The following MAGI3 variants were observed in gnomAD, a reference collection of about 807,000 sequenced individuals.
MAGI3 encodes membrane associated guanylate kinase, WW and PDZ domain containing 3.
A neutral mutation model predicts 121.8 loss-of-function variants in MAGI3; 43 were observed. The observed-to-expected ratio is 0.35, with a 90% CI of 0.28 to 0.46. The LOEUF is 0.46. Ranked by LOEUF, MAGI3 falls within the 20% of genes least tolerant of loss-of-function variation. MAGI3 has a pLI of 1.00. For missense variants in MAGI3, 1,547 were observed against 1,797.3 expected (o/e 0.86, Z 2.52); for synonymous variants, 553 against 639.3 (o/e 0.86, Z 2.04).
chr1:113,631,210 C>A (rs1253564013), intron 9 of MAGI3, among the ~76,000 whole-genome samples: 5 of 152,302 alleles, frequency 3.3e-5, no homozygotes, highest in African/African-American at 1.2e-4. Context: ...GTAGCACTGG[C>A]AATTCCAGAC....
intron 15 of MAGI3, among the ~76,000 whole-genome samples, chr1:113,655,989 T>C (rs1222514985): frequency 6.6e-6 from 1 of 152,206 alleles, no homozygotes; most frequent in Non-Finnish European, 1.5e-5. Flanking sequence ...CAATACTTAA[T>C]AATGAGATAG....
intron 1 of MAGI3, among the ~76,000 whole-genome samples, chr1:113,403,319 C>G (rs1169568794): frequency 1.3e-5 from 2 of 152,046 alleles, no homozygotes; most frequent in East Asian, 3.9e-4. Context: ...TGCTGGAAGT[C>G]TGGAATGTAG....
At chr1:113,637,712 A>G (rs1047537447) in intron 9 of MAGI3, among the ~76,000 whole-genome samples, 1 of 151,840 alleles carries the variant, frequency 6.6e-6, no homozygotes, top group Admixed American at 6.6e-5. Context: ...TGTGTCTTGG[A>G]GTTGCTCTTC....
intron 1 of MAGI3, among the ~76,000 whole-genome samples, chr1:113,446,975 A>G (rs1654206583): frequency 6.6e-6 from 1 of 152,198 alleles, no homozygotes; most frequent in Non-Finnish European, 1.5e-5. Context: ...AGGAAGTAGT[A>G]TGGTGGTTGC....
Position 113,390,933 on chromosome 1 carries a change from C to T in MAGI3, c.-101C>T, listed in dbSNP as rs1398001709. On this transcript the variant is annotated 5_prime_UTR_variant, in exon 1 of 21. Transcript: ENST00000307546. ...GCCGGAGCGGCGAGGCCCCCCTTAC[C>T]GGGCTGCGCGGGCCGCCCAGGGCCC... 2.8e-5 allele frequency: 28 copies of T among 986,176 alleles called. No homozygotes were observed. The highest frequency in any genetic ancestry group is 1.7e-4 in the African/African-American group (10 of 58,092). The allele number at this position is 986,176 out of a possible 1,614,324, so 61.1% of individuals were successfully genotyped here. A position where few individuals can be genotyped will look rare whatever the true frequency, so the allele number is the denominator to read the frequency against.
Position 113,683,770 on chromosome 1 carries a change from G to A in MAGI3, c.4202G>A (p.Gly1401Glu). The change falls in exon 21 of 21, where the codon GGA (glycine) becomes GAA (glutamate). Residue 1401 changes from glycine to glutamate, a missense_variant. By Grantham distance (98) the Gly-to-Glu change is moderately conservative. Coordinates refer to ENST00000307546, the MANE Select transcript of MAGI3 (RefSeq NM_001142782.2). ...GETSSSNDKI[G>E]ENVQLSEKRL... ...ACAAGTTCTAGTAACGATAAAATAG[G>A]AGAAAATGTCCAGCTATCAGAAAAG... 2.5e-6 allele frequency: 4 copies of A among 1,605,022 alleles called. No homozygotes were observed. Among genetic ancestry groups the A allele is most frequent in the Non-Finnish European group, 3.4e-6 (4 of 1,175,354 alleles).
chr1:113,569,554 T>G (rs1475308886), intron 2 of MAGI3, among the ~76,000 whole-genome samples: 2 of 152,210 alleles, frequency 1.3e-5, no homozygotes, highest in African/African-American at 4.8e-5. Flanking sequence ...CTCTATTTTC[T>G]TCATAATCTC....
chr1:113,420,832 T>G (rs1652697245), intron 1 of MAGI3, among the ~76,000 whole-genome samples: 1 of 152,170 alleles, frequency 6.6e-6, no homozygotes, highest in Non-Finnish European at 1.5e-5. Context: ...CTTTTCTGTA[T>G]CTCAGGGAAT....
intron 15 of MAGI3, among the ~76,000 whole-genome samples, chr1:113,657,802 A>G (rs1163029086): frequency 6.6e-6 from 1 of 152,224 alleles, no homozygotes; most frequent in African/African-American, 2.4e-5. Context: ...TAGAATAATA[A>G]GTGCTTGACA....
chr1:113,559,365 C>G (rs1041843948), intron 2 of MAGI3, among the ~76,000 whole-genome samples: 1 of 152,138 alleles, frequency 6.6e-6, no homozygotes, highest in Non-Finnish European at 1.5e-5. Flanking sequence ...GAAAATTTAT[C>G]AAGCCAATGG....
At chr1:113,637,421 C>T (rs1468600342) in intron 9 of MAGI3, among the ~76,000 whole-genome samples, 2 of 152,140 alleles carry the variant, frequency 1.3e-5, no homozygotes, top group East Asian at 1.9e-4. Context: ...TTAGGGCAGG[C>T]CTGGTTGTGA....
intron 1 of MAGI3, among the ~76,000 whole-genome samples, chr1:113,474,297 G>A (rs1417279263): frequency 6.6e-6 from 1 of 152,110 alleles, no homozygotes; most frequent in Non-Finnish European, 1.5e-5. Context: ...TTTGGCTTTT[G>A]TTGCCATTGC....
chr1:113,441,345 G>A (rs1031878467), intron 1 of MAGI3, among the ~76,000 whole-genome samples: 3 of 152,108 alleles, frequency 2.0e-5, no homozygotes, highest in Admixed American at 6.6e-5. Flanking sequence ...TGGGCTGACT[G>A]GGAGAGAAGA....
intron 1 of MAGI3, among the ~76,000 whole-genome samples, chr1:113,439,522 T>C (rs1653809044): frequency 6.6e-6 from 1 of 152,208 alleles, no homozygotes; most frequent in Admixed American, 6.5e-5. Context: ...ATTCCTCCTA[T>C]AGCATCTGAT....
intron 9 of MAGI3, among the ~76,000 whole-genome samples, chr1:113,624,459 A>G (rs186428298): frequency 4.5e-4 from 68 of 152,326 alleles, no homozygotes; most frequent in Middle Eastern, 3.4e-3. Flanking sequence ...CTGATGATCA[A>G]TGACCTGAGC....
At chr1:113,682,789 G>A (rs1648296161) in intron 20 of MAGI3, 108 bp from the exon 21 acceptor site, 1 of 1,444,640 alleles carries the variant, frequency 6.9e-7, no homozygotes, top group East Asian at 2.5e-5. Flanking sequence ...AAATACTCAG[G>A]CTTTTTAAGC....
chr1:113,549,253 A>G (rs1471179418), intron 1 of MAGI3, among the ~76,000 whole-genome samples: 1 of 152,170 alleles, frequency 6.6e-6, no homozygotes, highest in Non-Finnish European at 1.5e-5. Flanking sequence ...TACTCTGAAT[A>G]TTTTTGTCAC....
At chr1:113,623,068 C>A in intron 9 of MAGI3, 74 bp downstream of exon 9, 7 of 870,756 alleles carry the variant, frequency 8.0e-6, no homozygotes, top group South Asian at 3.1e-5. Flanking sequence ...ATTTTATATA[C>A]ATAAAGAGAG....
chr1:113,667,086 A>T (rs1034528769), intron 16 of MAGI3, among the ~76,000 whole-genome samples: 2 of 152,218 alleles, frequency 1.3e-5, no homozygotes, highest in Non-Finnish European at 2.9e-5. Context: ...TAGATTTAGC[A>T]TAATTCTTAA....
Sources: allele counts gnomAD v4.1 joint callset (sites outside exome capture counted in the v4.1 genomes callset), GRCh38; gene constraint gnomAD v4.1.1; transcripts MANE v1.5; gene names NCBI Gene and HGNC (gene_info 2026-07-23, HGNC 2026-07-21).